Variants in DCDC1 observed in about 807,000 individuals in gnomAD.
The protein encoded by DCDC1 is doublecortin domain containing 1, also known as doublecortin domain-containing protein 1.
DCDC1 carries 200 observed loss-of-function variants against 178.3 expected under a neutral mutation model. That is an observed-to-expected ratio of 1.12 (90% CI 1.00 to 1.26). DCDC1 has a LOEUF of 1.26. Among genes scored for constraint, DCDC1 ranks in the 50% most tolerant of loss-of-function variants. The pLI, the probability that DCDC1 is intolerant of heterozygous loss-of-function variation, is 0.00. For missense variants in DCDC1, 1,983 were observed against 1,749.2 expected (o/e 1.13, Z -2.38); for synonymous variants, 690 against 604.8 (o/e 1.14, Z -2.07).
intron 29 of DCDC1, 109 bp from the exon 30 acceptor site, chr11:30,906,834 T>A: frequency 2.1e-6 from 2 of 960,340 alleles, no homozygotes; most frequent in Non-Finnish European, 2.8e-6. Context: ...CCCAAAATGC[T>A]AAATTTAAAT....
At chr11:31,055,651 T>C (rs564395633) in intron 20 of DCDC1, among the ~76,000 whole-genome samples, 47 of 152,296 alleles carry the variant, frequency 3.1e-4, no homozygotes, top group African/African-American at 1.1e-3. Flanking sequence ...TTTATTTATA[T>C]GATGGAATAC....
intron 21 of DCDC1, among the ~76,000 whole-genome samples, chr11:30,935,446 G>C (rs1947217893): frequency 6.6e-6 from 1 of 152,186 alleles, no homozygotes; most frequent in East Asian, 1.9e-4. Context: ...ATTGGGTAGG[G>C]AGTAGGCCCC....
At chr11:31,323,436 A>T (rs1244918820) in intron 3 of DCDC1, among the ~76,000 whole-genome samples, 1 of 152,206 alleles carries the variant, frequency 6.6e-6, no homozygotes, top group Non-Finnish European at 1.5e-5. Context: ...ATATGAAATG[A>T]AGTACATCAA....
intron 1 of DCDC1, among the ~76,000 whole-genome samples, chr11:31,366,181 G>C (rs1462130332): frequency 6.6e-6 from 1 of 152,080 alleles, no homozygotes. Flanking sequence ...GAAAAGCCTG[G>C]ACTAAACACA....
chr11:31,284,854 G>C (rs1371332557), intron 7 of DCDC1, among the ~76,000 whole-genome samples: 1 of 151,904 alleles, frequency 6.6e-6, no homozygotes, highest in African/African-American at 2.4e-5. Flanking sequence ...GGCCAGGCTG[G>C]TCTCGAACTC....
chr11:30,941,748 T>A (rs986294550), intron 21 of DCDC1, among the ~76,000 whole-genome samples: 1 of 152,132 alleles, frequency 6.6e-6, no homozygotes, highest in African/African-American at 2.4e-5. Flanking sequence ...GTAAATAAAT[T>A]ATAAACAAAA....
chr11:30,973,475 G>T (rs1465498379), intron 20 of DCDC1, among the ~76,000 whole-genome samples: 1 of 151,928 alleles, frequency 6.6e-6, no homozygotes, highest in South Asian at 2.1e-4. Context: ...TTACAGCAAT[G>T]CGAGAACACA....
chr11:31,120,031 T>C (rs1162070945), intron 11 of DCDC1, among the ~76,000 whole-genome samples: 1 of 152,184 alleles, frequency 6.6e-6, no homozygotes, highest in Admixed American at 6.6e-5. Flanking sequence ...CAAGGCTATT[T>C]GATAATATGT....
chr11:31,290,832 T>A lies in DCDC1; in HGVS notation c.775A>T (p.Lys259Ter). Residue 259 changes from lysine to a stop codon, truncating the protein, a stop_gained, in exon 7 of 39, where the codon AAA becomes TAA. Coordinates refer to ENST00000684477, the MANE Select transcript of DCDC1 (RefSeq NM_001387274.1). LOFTEE classifies it high-confidence loss of function. ...AACCCATTCATTGTCCAAGTTACTT[T>A]CTTAATTAACAACAGATGGTCTAGA... ...KIKDHLLLIKKVTWTMNGLML... is the reference protein window; with the variant it reads ...KIKDHLLLIK 1.9e-6 allele frequency: 3 copies of A among 1,612,130 alleles called. No homozygotes were observed. Among genetic ancestry groups the A allele is most frequent in the Non-Finnish European group, 2.5e-6 (3 of 1,179,108 alleles).
chr11:31,013,704 T>C (rs924156056), intron 20 of DCDC1, among the ~76,000 whole-genome samples: 3 of 152,176 alleles, frequency 2.0e-5, no homozygotes, highest in Non-Finnish European at 2.9e-5. Flanking sequence ...AATAGAATAT[T>C]TATTTAGGGA....
At chr11:30,975,090 T>C (rs931317585) in intron 20 of DCDC1, among the ~76,000 whole-genome samples, 1 of 152,084 alleles carries the variant, frequency 6.6e-6, no homozygotes, top group Non-Finnish European at 1.5e-5. Context: ...ATAAATTTGA[T>C]AAAATACATC....
At chr11:31,259,341 G>A (rs540467379) in intron 8 of DCDC1, among the ~76,000 whole-genome samples, 55 of 152,076 alleles carry the variant, frequency 3.6e-4, no homozygotes, top group African/African-American at 1.2e-3. Flanking sequence ...CAACAAGAGC[G>A]AGACTCCACC....
At chr11:30,987,280 G>T (rs1429741516) in intron 20 of DCDC1, among the ~76,000 whole-genome samples, 1 of 152,132 alleles carries the variant, frequency 6.6e-6, no homozygotes, top group African/African-American at 2.4e-5. Context: ...GCCTCCCAAA[G>T]TGCTGGGATT....
At chr11:30,891,554 AT>A (rs1291665377) in intron 36 of DCDC1, among the ~76,000 whole-genome samples, 1 of 152,176 alleles carries the variant, frequency 6.6e-6, no homozygotes, top group African/African-American at 2.4e-5. Context: ...ACTTAAGTGC[AT>A]TTTAACACTT....
At chr11:31,114,898 G>A (rs1397035340) in intron 11 of DCDC1, among the ~76,000 whole-genome samples, 1 of 152,132 alleles carries the variant, frequency 6.6e-6, no homozygotes, top group African/African-American at 2.4e-5. Context: ...TCAAACAAGA[G>A]TATTAACAAT....
chr11:31,197,193 A>T (rs914955544), intron 9 of DCDC1, among the ~76,000 whole-genome samples: 1 of 152,102 alleles, frequency 6.6e-6, no homozygotes, highest in African/African-American at 2.4e-5. Context: ...TTTCAAAAAT[A>T]TCTTTGTTTC....
intron 29 of DCDC1, 57 bp from the exon 30 acceptor site, chr11:30,906,782 G>T (rs1945097020): frequency 3.5e-6 from 5 of 1,443,418 alleles, no homozygotes; most frequent in East Asian, 4.7e-5. Context: ...TTATAGCATT[G>T]CTGTAGAACA....
At chr11:31,110,820 G>A (rs947970976) in intron 11 of DCDC1, among the ~76,000 whole-genome samples, 4 of 152,024 alleles carry the variant, frequency 2.6e-5, no homozygotes, top group African/African-American at 9.7e-5. Flanking sequence ...ATATATCAGC[G>A]TTCAGCTAAT....
At chr11:31,273,286 T>A (rs1438826809) in intron 7 of DCDC1, among the ~76,000 whole-genome samples, 1 of 152,218 alleles carries the variant, frequency 6.6e-6, no homozygotes, top group Non-Finnish European at 1.5e-5. Context: ...TTTTCCAAAC[T>A]TTTATGCTCT....
Sources: allele counts gnomAD v4.1 joint callset (sites outside exome capture counted in the v4.1 genomes callset), GRCh38; gene constraint gnomAD v4.1.1; transcripts MANE v1.5; gene names NCBI Gene and HGNC (gene_info 2026-07-23, HGNC 2026-07-21).